Variants in PTPRD observed in about 807,000 individuals in gnomAD.
The protein encoded by PTPRD is receptor-type tyrosine-protein phosphatase delta.
A neutral mutation model predicts 214.5 loss-of-function variants in PTPRD; 34 were observed. The ratio of observed to expected loss-of-function variants is 0.16; its 90% CI spans 0.12 to 0.21. The LOEUF is 0.21. Among genes scored for constraint, PTPRD ranks in the 10% least tolerant of loss-of-function variants. The pLI is 1.00. For synonymous variants in PTPRD, 1,128 were observed against 845.7 expected, an observed-to-expected ratio of 1.33 and a Z score of -5.79; for missense variants, 2,545 against 2,398.7, an observed-to-expected ratio of 1.06 and a Z score of -1.27.
Position 8,518,108 on chromosome 9 carries a change from A to G in PTPRD, c.1283T>C (p.Met428Thr). The change falls in exon 21 of 46, where the codon ATG becomes ACG. Residue 428 changes from methionine (M) to threonine (T), a missense_variant. Met to Thr is a moderately conservative substitution (Grantham distance 81). Transcript: ENST00000381196. ...SSAPRDVQARMLSSTTILVQW... is the reference protein window; with the variant it reads ...SSAPRDVQARTLSSTTILVQW... ...TACCAAAATGGTGGTCGAACTCAAC[A>G]TTCGTGCCTGGACATCCCTCGGGGC... is the stretch of plus-strand genomic sequence containing the variant. 6.2e-7 allele frequency: 1 copy of G among 1,614,152 alleles called. No individual in the cohort carries two copies. The highest frequency in any genetic ancestry group is 8.5e-7 in the Non-Finnish European group (1 of 1,180,024).
At chr9:9,088,186 C>A (rs981599341) in intron 10 of PTPRD, among the ~76,000 whole-genome samples, 1 of 151,692 alleles carries the variant, frequency 6.6e-6, no homozygotes, top group African/African-American at 2.4e-5. Context: ...CCGGCCAGAG[C>A]CCTAAACTTT....
chr9:8,687,592 T>C (rs1405067168), intron 12 of PTPRD, among the ~76,000 whole-genome samples: 1 of 152,114 alleles, frequency 6.6e-6, no homozygotes, highest in Non-Finnish European at 1.5e-5. Flanking sequence ...GTGGGCTCTG[T>C]TAGCCTTGAT....
At chr9:9,333,085 A>C (rs919840806) in intron 9 of PTPRD, among the ~76,000 whole-genome samples, 1 of 151,996 alleles carries the variant, frequency 6.6e-6, no homozygotes, top group African/African-American at 2.4e-5. Flanking sequence ...GAGGGACATA[A>C]AGAGTACAAA....
At chr9:9,743,552 T>A (rs752160037) in intron 6 of PTPRD, among the ~76,000 whole-genome samples, 36 of 151,960 alleles carry the variant, frequency 2.4e-4, no homozygotes, top group Non-Finnish European at 4.7e-4. Flanking sequence ...AAGGGCCCAT[T>A]TCTCTGGTAC....
chr9:8,999,269 G>C (rs1374787504), intron 11 of PTPRD, among the ~76,000 whole-genome samples: 1 of 151,956 alleles, frequency 6.6e-6, no homozygotes. Flanking sequence ...ATGTGCAATT[G>C]ATGAAGCAAA....
chr9:10,568,819 C>G (rs918905495), intron 2 of PTPRD, among the ~76,000 whole-genome samples: 7 of 152,046 alleles, frequency 4.6e-5, no homozygotes, highest in African/African-American at 1.7e-4. Context: ...CATAAAATCC[C>G]CAGAAGAAAA....
At chr9:9,653,678 A>AAATT (rs1331415972) in intron 7 of PTPRD, among the ~76,000 whole-genome samples, 3 of 152,176 alleles carry the variant, frequency 2.0e-5, no homozygotes, top group African/African-American at 7.2e-5. Context: ...ATAAGCTTTG[A>AAATT]AATTGTTTGC....
At chr9:9,641,528 T>A (rs1001460201) in intron 7 of PTPRD, among the ~76,000 whole-genome samples, 6 of 152,120 alleles carry the variant, frequency 3.9e-5, no homozygotes, top group Non-Finnish European at 8.8e-5. Flanking sequence ...AGGCCAGATC[T>A]CACTGACACA....
At chr9:9,177,199 T>C (rs1300181913) in intron 10 of PTPRD, among the ~76,000 whole-genome samples, 3 of 152,122 alleles carry the variant, frequency 2.0e-5, no homozygotes, top group Non-Finnish European at 2.9e-5. Context: ...AAGTGCCTAG[T>C]GAAGGGAAAA....
intron 4 of PTPRD, among the ~76,000 whole-genome samples, chr9:9,954,127 C>G (rs906516507): frequency 6.6e-6 from 1 of 151,316 alleles, no homozygotes; most frequent in African/African-American, 2.4e-5. Flanking sequence ...GAAACCCTGT[C>G]TCTACAAAAA....
At chr9:9,725,086 T>G (rs2098056204) in intron 7 of PTPRD, among the ~76,000 whole-genome samples, 1 of 152,132 alleles carries the variant, frequency 6.6e-6, no homozygotes, top group Admixed American at 6.6e-5. Flanking sequence ...GGTAGGTTAG[T>G]CAGAGTGTCC....
At chr9:10,583,995 T>A (rs148514592) in intron 2 of PTPRD, among the ~76,000 whole-genome samples, 2,587 of 152,244 alleles carry the variant, frequency 0.017, 35 homozygotes, top group South Asian at 0.038. Flanking sequence ...ATTCTGAGCA[T>A]TGCCAGCCTA....
chr9:8,657,796 T>A (rs183816447), intron 12 of PTPRD, among the ~76,000 whole-genome samples: 26 of 152,278 alleles, frequency 1.7e-4, no homozygotes, highest in Admixed American at 3.3e-4. Context: ...GCACATGGGT[T>A]TTTTTTAAAG....
At chr9:9,186,710 T>C (rs181250954) in intron 9 of PTPRD, among the ~76,000 whole-genome samples, 92 of 151,964 alleles carry the variant, frequency 6.1e-4, no homozygotes, top group Non-Finnish European at 1.0e-3. Flanking sequence ...CATATGTGTG[T>C]ATGCATGGGA....
intron 8 of PTPRD, among the ~76,000 whole-genome samples, chr9:9,450,333 G>A (rs984316508): frequency 2.6e-5 from 4 of 151,894 alleles, no homozygotes; most frequent in Admixed American, 6.6e-5. Context: ...TTTCTTTAGG[G>A]AATTTCCACA....
chr9:8,691,488 GA>G (rs58602125), intron 12 of PTPRD, among the ~76,000 whole-genome samples: 45,721 of 149,136 alleles, frequency 0.31, 7,926 homozygotes, highest in African/African-American at 0.47. Context: ...ATACAAAGGA[GA>G]AAAAAAAAAT....
At chr9:9,343,174 A>C (rs10977670) in intron 9 of PTPRD, among the ~76,000 whole-genome samples, 83,689 of 152,058 alleles carry the variant, frequency 0.55, 24,736 homozygotes, top group Middle Eastern at 0.7. Context: ...GCTATTGTGT[A>C]GTGCTGCAAT....
chr9:8,632,848 G>A (rs1017747629), intron 14 of PTPRD, among the ~76,000 whole-genome samples: 1 of 151,898 alleles, frequency 6.6e-6, no homozygotes, highest in African/African-American at 2.4e-5. Context: ...ACATAAGACA[G>A]GTGCATTTCT....
chr9:10,268,439 T>C (rs558742981), intron 3 of PTPRD, among the ~76,000 whole-genome samples: 1 of 152,102 alleles, frequency 6.6e-6, no homozygotes, highest in Non-Finnish European at 1.5e-5. Context: ...TTTAAATATA[T>C]AGTTTCAGAG....
Sources: gnomAD v4.1 joint callset for allele counts (sites outside exome capture counted in the v4.1 genomes callset) on GRCh38, gnomAD v4.1.1 for gene constraint, MANE v1.5 for transcripts, NCBI Gene and HGNC (gene_info 2026-07-23, HGNC 2026-07-21) for gene names.